The following MGARP variants were observed in gnomAD, a reference collection of about 807,000 sequenced individuals.
MGARP encodes the protein protein MGARP.
A neutral mutation model predicts 11.0 loss-of-function variants in MGARP; 12 were observed. The ratio of observed to expected loss-of-function variants is 1.09; its 90% CI spans 0.70 to 1.77. The LOEUF is 1.77. MGARP is among the 40% of genes most tolerant of loss of function. The pLI, the probability that MGARP is intolerant of heterozygous loss-of-function variation, is 0.00. For synonymous variants in MGARP, 110 were observed against 115.4 expected, an observed-to-expected ratio of 0.95 and a Z score of 0.30; for missense variants, 283 against 297.8, an observed-to-expected ratio of 0.95 and a Z score of 0.36.
intron 2 of MGARP, among the ~76,000 whole-genome samples, chr4:139,274,461 A>AT (rs1206796593): frequency 1.3e-5 from 2 of 151,922 alleles, no homozygotes; most frequent in Non-Finnish European, 1.5e-5. Context: ...AGATCTATTA[A>AT]TTTTTTTAAT....
Position 139,275,379 on chromosome 4 carries a change from C to A in MGARP, c.96G>T (p.Arg32=). The change falls in exon 2 of 4, where the codon CGG becomes CGT. Residue 32 remains arginine (R), a synonymous_variant. Coordinates refer to ENST00000398955, the MANE Select transcript of MGARP (RefSeq NM_032623.4). The stretch of plus-strand genomic sequence containing the variant: ...ATCCAGGGAATCTGTTAGATGACAT[C>A]CGGCGCAGAGATGCTAGGAAAAAAA... The part of the protein sequence containing the change: ...APLGKDASLR[R]MSSNRFPGSS... 2 of 1,613,690 alleles carry A rather than the reference C, an allele frequency of 1.2e-6. No individual in the cohort carries two copies.
chr4:139,268,338 A>C (rs1744728020), intron 3 of MGARP, among the ~76,000 whole-genome samples: 1 of 152,214 alleles, frequency 6.6e-6, no homozygotes, highest in Non-Finnish European at 1.5e-5. Flanking sequence ...TTATATTATT[A>C]TTTTTAGATA....
At chr4:139,278,349 G>T (rs1329559544) in intron 1 of MGARP, among the ~76,000 whole-genome samples, 2 of 152,166 alleles carry the variant, frequency 1.3e-5, no homozygotes, top group African/African-American at 4.8e-5. Flanking sequence ...TAGAAAGTAT[G>T]AACAAAAGGT....
At chr4:139,269,672 T>C (rs1402764501) in intron 2 of MGARP, among the ~76,000 whole-genome samples, 1 of 150,204 alleles carries the variant, frequency 6.7e-6, no homozygotes, top group Non-Finnish European at 1.5e-5. Context: ...AGAAACAGTA[T>C]TGGGAAGAAA....
rs1744710358 is a variant in MGARP, at chr4:139,267,048, G to A, written c.281-7C>T. On this transcript the variant is annotated splice_region_variant and splice_polypyrimidine_tract_variant and intron_variant, in intron 3 of 3. Coordinates refer to ENST00000398955, the MANE Select transcript of MGARP (RefSeq NM_032623.4). ...GCAACATTCTCCTTTTCACCTTTAA[G>A]AATTAGTCATTAAGCAAGGTATTAA... is the stretch of plus-strand genomic sequence containing the variant. 6.2e-7 allele frequency: 1 copy of A among 1,608,940 alleles called. No individual in the cohort carries two copies. Among genetic ancestry groups the A allele is most frequent in the Non-Finnish European group, 8.5e-7 (1 of 1,177,428 alleles).
intron 2 of MGARP, among the ~76,000 whole-genome samples, chr4:139,269,026 A>G (rs148467871): frequency 1.3e-5 from 2 of 152,342 alleles, no homozygotes; most frequent in Non-Finnish European, 2.9e-5. Flanking sequence ...TGGGTACCAT[A>G]CTTATTACCT....
chr4:139,276,982 C>T (rs900636584), intron 1 of MGARP, among the ~76,000 whole-genome samples: 15 of 152,088 alleles, frequency 9.9e-5, no homozygotes, highest in African/African-American at 2.2e-4. Flanking sequence ...ATTTATGTTT[C>T]GTATACACCT....
chr4:139,272,383 C>T lies in MGARP; in HGVS notation c.186+2906G>A, dbSNP rs1015987907. On this transcript the variant is annotated intron_variant, in intron 2 of 3. Coordinates refer to ENST00000398955, the MANE Select transcript of MGARP (RefSeq NM_032623.4). ...CATACTGGCTAACACAGTGAAACCC[C>T]GTCTCTACTAAAAATACAAAAAAAA... Among the ~76,000 whole-genome samples, 6 of 151,612 alleles carry T rather than the reference C, an allele frequency of 4.0e-5. 1 individual carries two copies. Among genetic ancestry groups the T allele is most frequent in the Middle Eastern group, 3.4e-3 (1 of 294 alleles).
At chr4:139,271,032 C>A (rs1466598234) in intron 2 of MGARP, among the ~76,000 whole-genome samples, 1 of 152,134 alleles carries the variant, frequency 6.6e-6, no homozygotes, top group African/African-American at 2.4e-5. Context: ...GAATAATTCA[C>A]CCTAATGTGT....
chr4:139,269,292 C>G (rs1432570690), intron 2 of MGARP, among the ~76,000 whole-genome samples: 1 of 152,120 alleles, frequency 6.6e-6, no homozygotes, highest in Non-Finnish European at 1.5e-5. Flanking sequence ...CACATGAAAA[C>G]CTGTACACAA....
At chr4:139,268,833 A>T in intron 2 of MGARP, 68 bp from the exon 3 acceptor site, 1 of 1,176,152 alleles carries the variant, frequency 8.5e-7, no homozygotes, top group Admixed American at 2.1e-5. Flanking sequence ...ATCCAAAGGT[A>T]CACTCAAGTC....
chr4:139,278,498 T>C (rs935261859), intron 1 of MGARP, among the ~76,000 whole-genome samples: 18 of 152,202 alleles, frequency 1.2e-4, no homozygotes, highest in Non-Finnish European at 2.1e-4. Context: ...TAGATACGTA[T>C]TTAAAATTTT....
Position 139,266,919 on chromosome 4 carries a change from C to T in MGARP, c.403G>A (p.Glu135Lys). Residue 135 changes from glutamate (E) to lysine (K), a missense_variant, in exon 4 of 4, where the codon GAG (glutamate) becomes AAG (lysine). Glu to Lys is a moderately conservative substitution (Grantham distance 56). Transcript: ENST00000398955. ...ACGTGACCTGGACAGGCAGATGCCT[C>T]TTTTATGACCACAACTGTAGCACTG... Reference protein sequence around the residue: ...SPSATVVVIKEASACPGHVEA... With the variant: ...SPSATVVVIKKASACPGHVEA... 18 of 1,614,162 alleles carry T rather than the reference C, an allele frequency of 1.1e-5. No individual in the cohort carries two copies. The highest frequency in any genetic ancestry group is 1.4e-5 in the Non-Finnish European group (17 of 1,180,030).
intron 1 of MGARP, among the ~76,000 whole-genome samples, chr4:139,279,673 G>A (rs1402871420): frequency 1.3e-5 from 2 of 152,214 alleles, no homozygotes; most frequent in East Asian, 3.8e-4. Flanking sequence ...CAGGAGATTG[G>A]AGAGCGAATG....
At chr4:139,268,800 A>G in intron 2 of MGARP, 35 bp from the exon 3 acceptor site, 19 of 1,519,322 alleles carry the variant, frequency 1.3e-5, no homozygotes, top group Non-Finnish European at 1.7e-5. Flanking sequence ...TTATTTCTTG[A>G]GCTTTAAGAT....
intron 3 of MGARP, 30 bp from the exon 4 acceptor site, chr4:139,267,071 T>G (rs1441913668): frequency 4.4e-6 from 7 of 1,595,804 alleles, no homozygotes; most frequent in Non-Finnish European, 6.0e-6. Context: ...AGCAAGGTAT[T>G]AATTTAAAGA....
Position 139,266,748 on chromosome 4 carries a change from T to A in MGARP, c.574A>T (p.Asn192Tyr). Residue 192 changes from asparagine (N) to tyrosine (Y), a missense_variant, in exon 4 of 4, where the codon AAT becomes TAT. Asn to Tyr is a moderately radical substitution (Grantham distance 143, BLOSUM62 -2). Coordinates refer to ENST00000398955, the MANE Select transcript of MGARP (RefSeq NM_032623.4). ...AALDEAVTID[N>Y]DKDTTKNETS... The stretch of plus-strand genomic sequence containing the variant: ...TCGTTCTTTGTTGTATCTTTATCAT[T>A]ATCGATGGTGACAGCTTCATCCAGG... The A allele has an allele frequency of 1.2e-6, 2 of 1,614,184 alleles. No homozygotes were observed.
At position 139,275,385 on chromosome 4, in the gene MGARP, C is replaced by T. The variant is rs746830030; in HGVS notation, c.90G>A (p.Leu30=). ...NPAPLGKDAS[L]RRMSSNRFPG... is the part of the protein sequence containing the mutation. ...GGAATCTGTTAGATGACATCCGGCG[C>T]AGAGATGCTAGGAAAAAAATGTTTA... is the stretch of plus-strand genomic sequence containing the variant. Residue 30 remains leucine (L), a synonymous_variant, in exon 2 of 4, where the codon CTG becomes CTA. Transcript: ENST00000398955. 1.2e-6 allele frequency: 2 copies of T among 1,612,638 alleles called. No homozygotes were observed. Among genetic ancestry groups the T allele is most frequent in the Non-Finnish European group, 1.7e-6 (2 of 1,179,524 alleles).
chr4:139,276,933 A>G (rs1002624603), intron 1 of MGARP, among the ~76,000 whole-genome samples: 4 of 152,340 alleles, frequency 2.6e-5, no homozygotes, highest in African/African-American at 9.6e-5. Flanking sequence ...ACATAATGAG[A>G]TATCTTGGGG....
Sources: gnomAD v4.1 joint callset for allele counts (sites outside exome capture counted in the v4.1 genomes callset) on GRCh38, gnomAD v4.1.1 for gene constraint, MANE v1.5 for transcripts, NCBI Gene and HGNC (gene_info 2026-07-23, HGNC 2026-07-21) for gene names.